The following ZFHX3 variants were observed in gnomAD, a reference collection of about 807,000 sequenced individuals.
ZFHX3 encodes the protein zinc finger homeobox protein 3.
In ZFHX3, 42 loss-of-function variants were observed where a neutral mutation model predicts 279.1. The ratio of observed to expected loss-of-function variants is 0.15; its 90% CI spans 0.12 to 0.19. The LOEUF (loss-of-function observed/expected upper bound fraction) is 0.19, where lower values mean the gene tolerates loss of function less well. ZFHX3 is among the 10% of genes least tolerant of loss of function. ZFHX3 has a pLI of 1.00. For missense variants in ZFHX3, 4,981 were observed against 4,754.0 expected, an observed-to-expected ratio of 1.05 and a Z score of -1.40; for synonymous variants, 2,293 against 1,957.8, an observed-to-expected ratio of 1.17 and a Z score of -4.52.
At chr16:72,916,986 C>T (rs1447093218) in intron 3 of ZFHX3, among the ~76,000 whole-genome samples, 3 of 152,116 alleles carry the variant, frequency 2.0e-5, no homozygotes, top group Non-Finnish European at 4.4e-5. Context: ...CACCTGTAAT[C>T]CCAGCACCTT....
chr16:73,460,900 T>G (rs2018459977), intron 2 of ZFHX3, among the ~76,000 whole-genome samples: 1 of 152,164 alleles, frequency 6.6e-6, no homozygotes, highest in African/African-American at 2.4e-5. Context: ...GATTGTAAGT[T>G]TCCTGAGGCC....
intron 3 of ZFHX3, among the ~76,000 whole-genome samples, chr16:73,375,025 T>C (rs1273021172): frequency 6.6e-6 from 1 of 152,210 alleles, no homozygotes; most frequent in Non-Finnish European, 1.5e-5. Flanking sequence ...TTCTTTAAGG[T>C]TCACAAAATG....
chr16:73,324,605 T>C (rs2015643649), intron 3 of ZFHX3, among the ~76,000 whole-genome samples: 1 of 152,204 alleles, frequency 6.6e-6, no homozygotes, highest in Non-Finnish European at 1.5e-5. Context: ...AAAGCTGTCC[T>C]GGGGATTTGA....
chr16:73,431,894 C>G (rs1194206343), intron 3 of ZFHX3, among the ~76,000 whole-genome samples: 1 of 152,096 alleles, frequency 6.6e-6, no homozygotes, highest in African/African-American at 2.4e-5. Context: ...TCTGGAGAAG[C>G]AACTAGACCT....
intron 4 of ZFHX3, among the ~76,000 whole-genome samples, chr16:73,266,201 G>A (rs116353832): frequency 6.6e-6 from 1 of 152,130 alleles, no homozygotes; most frequent in East Asian, 1.9e-4. Flanking sequence ...GTATCCAGTG[G>A]GCAGTTGCGA....
At chr16:73,652,037 T>C (rs544365318) in intron 2 of ZFHX3, among the ~76,000 whole-genome samples, 1 of 152,140 alleles carries the variant, frequency 6.6e-6, no homozygotes, top group South Asian at 2.1e-4. Context: ...AGGGACAGGA[T>C]AGACCCTCAC....
chr16:73,252,727 G>C (rs1287104895), intron 5 of ZFHX3, among the ~76,000 whole-genome samples: 1 of 152,122 alleles, frequency 6.6e-6, no homozygotes, highest in Non-Finnish European at 1.5e-5. Flanking sequence ...GAAGAAAGAA[G>C]AGAGACGTCA....
intron 4 of ZFHX3, among the ~76,000 whole-genome samples, chr16:72,839,038 G>T (rs1340750069): frequency 6.6e-6 from 1 of 152,146 alleles, no homozygotes; most frequent in Non-Finnish European, 1.5e-5. Context: ...GAATTCAGCA[G>T]GGATTAGTTC....
intron 3 of ZFHX3, among the ~76,000 whole-genome samples, chr16:73,382,951 G>C (rs1319019611): frequency 1.3e-5 from 2 of 152,176 alleles, no homozygotes; most frequent in Non-Finnish European, 2.9e-5. Flanking sequence ...ACCTGTTGCA[G>C]TCTGAAGGAA....
intron 1 of ZFHX3, among the ~76,000 whole-genome samples, chr16:73,701,361 A>T (rs2053244720): frequency 6.6e-6 from 1 of 152,174 alleles, no homozygotes; most frequent in African/African-American, 2.4e-5. Flanking sequence ...GATTTTAATT[A>T]TATTGTTTAA....
chr16:73,418,305 C>T (rs980191773), intron 3 of ZFHX3, among the ~76,000 whole-genome samples: 12 of 152,150 alleles, frequency 7.9e-5, no homozygotes, highest in African/African-American at 2.9e-4. Context: ...ACCAGGACTT[C>T]TGTTGAGTGA....
At chr16:72,994,133 C>T (rs1963193548) in intron 1 of ZFHX3, among the ~76,000 whole-genome samples, 1 of 152,200 alleles carries the variant, frequency 6.6e-6, no homozygotes, top group African/African-American at 2.4e-5. Flanking sequence ...TTGTGCCACA[C>T]TGTGGTTTTG....
intron 3 of ZFHX3, among the ~76,000 whole-genome samples, chr16:73,391,929 T>C (rs1173370739): frequency 1.3e-5 from 2 of 152,072 alleles, no homozygotes; most frequent in Non-Finnish European, 2.9e-5. Context: ...ACAGAGTCAT[T>C]TGGGAAAAGA....
intron 3 of ZFHX3, among the ~76,000 whole-genome samples, chr16:72,910,812 A>C (rs1037822971): frequency 6.6e-6 from 1 of 152,050 alleles, no homozygotes; most frequent in Non-Finnish European, 1.5e-5. Context: ...AAAACAAAAC[A>C]AAAAAACAGG....
intron 5 of ZFHX3, among the ~76,000 whole-genome samples, chr16:73,251,332 G>A (rs1221819418): frequency 6.6e-6 from 1 of 152,176 alleles, no homozygotes; most frequent in Admixed American, 6.5e-5. Context: ...TACACCACAA[G>A]TGTGATAAAA....
intron 1 of ZFHX3, among the ~76,000 whole-genome samples, chr16:72,962,230 C>G (rs1961614529): frequency 1.3e-5 from 2 of 152,374 alleles, no homozygotes; most frequent in African/African-American, 2.4e-5. Context: ...AATCTCCTCT[C>G]CAGCCTGGGC....
intron 2 of ZFHX3, among the ~76,000 whole-genome samples, chr16:73,607,351 A>G (rs1350692669): frequency 6.6e-6 from 1 of 152,226 alleles, no homozygotes; most frequent in Non-Finnish European, 1.5e-5. Context: ...TTGAGGCTGC[A>G]TAGTATTCCA....
Position 72,783,183 on chromosome 16 carries a change from G to GT in ZFHX3, c.*3980dup, listed in dbSNP as rs1182942098. 5.9e-5 allele frequency: 9 copies of GT among 151,404 alleles called. No individual in the cohort carries two copies. Among genetic ancestry groups the GT allele is most frequent in the African/African-American group, 1.7e-4 (7 of 41,036 alleles). 9.4% of individuals were successfully genotyped at this position (151,404 alleles called of 1,614,324 possible). ...TTTCACTTGCTCTATTTTTTTTGTT[G>GT]TTTTTTGTTTTTTTTTCTTTTTGTA... On this transcript the variant is annotated 3_prime_UTR_variant, in exon 10 of 10. Coordinates refer to ENST00000268489, the MANE Select transcript of ZFHX3 (RefSeq NM_006885.4).
At chr16:72,928,223 AGGGG>A (rs1959593340) in intron 3 of ZFHX3, among the ~76,000 whole-genome samples, 1 of 82,988 alleles carries the variant, frequency 1.2e-5, no homozygotes, top group African/African-American at 4.5e-5. Flanking sequence ...AAGGGGAGCG[AGGGG>A]GAGCGAGAGA....
Sources: gnomAD v4.1 joint callset for allele counts (sites outside exome capture counted in the v4.1 genomes callset) on GRCh38, gnomAD v4.1.1 for gene constraint, MANE v1.5 for transcripts, NCBI Gene and HGNC (gene_info 2026-07-23, HGNC 2026-07-21) for gene names.